FHOD3: variants seen among roughly 807,000 people sequenced by gnomAD.
FHOD3 encodes the protein FH1/FH2 domain-containing protein 3.
In FHOD3, 90 loss-of-function variants were observed where a neutral mutation model predicts 173.0. That is an observed-to-expected ratio of 0.52 (90% CI 0.44 to 0.62). The LOEUF is 0.62. FHOD3 is among the 20% of genes least tolerant of loss of function. The probability of loss-of-function intolerance (pLI) is 0.00; values close to 1 mark genes in which losing one functional copy is unlikely to be tolerated. For synonymous variants in FHOD3, 828 were observed against 823.0 expected (o/e 1.01, Z -0.10); for missense variants, 1,945 against 2,034.7 (o/e 0.96, Z 0.85).
At chr18:36,718,951 T>C (rs1368697935) in intron 19 of FHOD3, among the ~76,000 whole-genome samples, 3 of 152,148 alleles carry the variant, frequency 2.0e-5, no homozygotes, top group Non-Finnish European at 4.4e-5. Context: ...GCAAAGGAGC[T>C]TTCAAAGAAC....
chr18:36,327,040 A>T (rs1342357686), intron 1 of FHOD3, among the ~76,000 whole-genome samples: 1 of 152,174 alleles, frequency 6.6e-6, no homozygotes, highest in Non-Finnish European at 1.5e-5. Context: ...GCTTTCAGTG[A>T]TATCTCTGTA....
chr18:36,487,401 C>A (rs1348263942), intron 3 of FHOD3, among the ~76,000 whole-genome samples: 1 of 152,182 alleles, frequency 6.6e-6, no homozygotes, highest in East Asian at 1.9e-4. Flanking sequence ...AGCACACAGG[C>A]AGTAAGTGCC....
At chr18:36,521,109 TG>T (rs2056250514) in intron 5 of FHOD3, among the ~76,000 whole-genome samples, 1 of 152,150 alleles carries the variant, frequency 6.6e-6, no homozygotes, top group Non-Finnish European at 1.5e-5. Context: ...TTTTTGTGGG[TG>T]GGGTGGTGGA....
At chr18:36,384,007 ACCTGCCC>A (rs1303298477) in intron 3 of FHOD3, among the ~76,000 whole-genome samples, 1 of 152,214 alleles carries the variant, frequency 6.6e-6, no homozygotes, top group Non-Finnish European at 1.5e-5. Flanking sequence ...CTAGAATCAG[ACCTGCCC>A]CTGAGAAGCA....
At chr18:36,369,506 T>TATATATAG (rs1198304317) in intron 2 of FHOD3, among the ~76,000 whole-genome samples, 2 of 128,250 alleles carry the variant, frequency 1.6e-5, no homozygotes, top group African/African-American at 2.9e-5. Context: ...CACATATATA[T>TATATATAG]AGAGAGAGAG....
intron 3 of FHOD3, among the ~76,000 whole-genome samples, chr18:36,396,703 A>T (rs2048569150): frequency 6.6e-6 from 1 of 152,176 alleles, no homozygotes; most frequent in Non-Finnish European, 1.5e-5. Context: ...GATTTTAGGC[A>T]CTTTAGCTAT....
intron 24 of FHOD3, among the ~76,000 whole-genome samples, chr18:36,747,349 A>C (rs140234986): frequency 4.1e-4 from 62 of 152,312 alleles, no homozygotes; most frequent in African/African-American, 1.4e-3. Flanking sequence ...AGTTGGAAGG[A>C]ATCTCAGAAA....
rs189191003 is a variant in FHOD3 at position 36,743,240 on chromosome 18, C to G, written c.3879+384C>G. ...AGGAGAATCGCTTGAACCCGGGAAGCAGAGGTTGCAGTGAGCTGAGATCTC... is the reference window on the plus strand; with the variant it reads ...AGGAGAATCGCTTGAACCCGGGAAGGAGAGGTTGCAGTGAGCTGAGATCTC... On this transcript the variant is annotated intron_variant, in intron 22 of 28. Transcript: ENST00000590592. Among the ~76,000 whole-genome samples the G allele has an allele frequency of 1.4e-4, 18 of 131,852 alleles. No individual in the cohort carries two copies. In the East Asian group the frequency reaches 2.8e-3, roughly 20 times the overall value. 86.5% of individuals were successfully genotyped at this position (131,852 alleles called of 152,430 possible). A position where few individuals can be genotyped will look rare whatever the true frequency, so the allele number is the denominator to read the frequency against.
At chr18:36,732,845 C>T (rs933228023) in intron 20 of FHOD3, among the ~76,000 whole-genome samples, 18 of 152,156 alleles carry the variant, frequency 1.2e-4, no homozygotes, top group Non-Finnish European at 2.4e-4. Context: ...AAGTGCAAAG[C>T]GTGTCCCCGC....
chr18:36,749,096 A>G (rs2042291593), intron 24 of FHOD3, among the ~76,000 whole-genome samples: 1 of 152,194 alleles, frequency 6.6e-6, no homozygotes, highest in African/African-American at 2.4e-5. Context: ...AAAAGTTTCA[A>G]AAGGTGTCTC....
chr18:36,425,554 G>A (rs1003587362), intron 3 of FHOD3, among the ~76,000 whole-genome samples: 11 of 152,042 alleles, frequency 7.2e-5, no homozygotes, highest in African/African-American at 2.2e-4. Flanking sequence ...ATGAATATAA[G>A]GTTATGTTCA....
chr18:36,548,897 A>G (rs539725720), intron 5 of FHOD3, among the ~76,000 whole-genome samples: 1 of 152,324 alleles, frequency 6.6e-6, no homozygotes, highest in South Asian at 2.1e-4. Flanking sequence ...ATCAGCGTAC[A>G]AGTGTTTGTA....
intron 1 of FHOD3, among the ~76,000 whole-genome samples, chr18:36,308,642 G>C (rs2144615973): frequency 6.6e-6 from 1 of 152,238 alleles, no homozygotes; most frequent in Non-Finnish European, 1.5e-5. Flanking sequence ...GGACACTGTG[G>C]GTCTCACTTC....
intron 16 of FHOD3, 138 bp downstream of exon 16, chr18:36,687,316 G>A: frequency 3.1e-6 from 2 of 641,790 alleles, no homozygotes; most frequent in East Asian, 2.8e-5. Context: ...GCAGAACAGA[G>A]TGTACTAGTT....
At chr18:36,463,438 A>AAATAAT (rs373550683) in intron 3 of FHOD3, among the ~76,000 whole-genome samples, 26 of 996 alleles carry the variant, frequency 0.026, no homozygotes, top group African/African-American at 0.11. Context: ...TTATTTAAAA[A>AAATAAT]ATATATTTTT....
chr18:36,377,693 C>T (rs1271353607), intron 3 of FHOD3, among the ~76,000 whole-genome samples: 1 of 152,172 alleles, frequency 6.6e-6, no homozygotes, highest in East Asian at 1.9e-4. Context: ...GTAGGATCCA[C>T]ACAGATGCAG....
chr18:36,615,153 AT>A (rs922156980), intron 9 of FHOD3, among the ~76,000 whole-genome samples: 10 of 152,146 alleles, frequency 6.6e-5, no homozygotes, highest in Admixed American at 5.9e-4. Context: ...CCCAGCCTTG[AT>A]TTTTTTATTG....
intron 23 of FHOD3, among the ~76,000 whole-genome samples, 197 bp from the exon 24 acceptor site, chr18:36,746,748 G>A (rs1024011172): frequency 6.6e-6 from 1 of 152,210 alleles, no homozygotes; most frequent in African/African-American, 2.4e-5. Context: ...TTGGAGAACA[G>A]TTTTATCACT....
chr18:36,558,269 G>A (rs2057965746), intron 5 of FHOD3, among the ~76,000 whole-genome samples: 1 of 152,092 alleles, frequency 6.6e-6, no homozygotes, highest in Admixed American at 6.5e-5. Flanking sequence ...CCCCTTCCCT[G>A]TGTGATGCTA....
Sources: gnomAD v4.1 joint callset for allele counts (sites outside exome capture counted in the v4.1 genomes callset) on GRCh38, gnomAD v4.1.1 for gene constraint, MANE v1.5 for transcripts, NCBI Gene and HGNC (gene_info 2026-07-23, HGNC 2026-07-21) for gene names.